Variants in ATP9B observed in about 807,000 individuals in gnomAD.
ATP9B encodes ATPase phospholipid transporting 9B.
Under a neutral mutation model 146.1 loss-of-function variants are expected in ATP9B, and 110 were observed. The observed-to-expected ratio is 0.75, with a 90% CI of 0.65 to 0.88. The LOEUF is 0.88. ATP9B is among the 40% of genes least tolerant of loss of function. The pLI is 0.00. For synonymous variants in ATP9B, 604 were observed against 569.7 expected (o/e 1.06, Z -0.86); for missense variants, 1,499 against 1,496.4 (o/e 1.00, Z -0.03).
intron 15 of ATP9B, among the ~76,000 whole-genome samples, chr18:79,312,531 T>C (rs2096658511): frequency 6.6e-6 from 1 of 152,166 alleles, no homozygotes; most frequent in South Asian, 2.1e-4. Context: ...TGGGCATCCC[T>C]CTCCGTGTTT....
intron 3 of ATP9B, among the ~76,000 whole-genome samples, chr18:79,111,444 T>G (rs572426045): frequency 6.7e-6 from 1 of 149,664 alleles, no homozygotes; most frequent in African/African-American, 2.4e-5. Context: ...TGATATCTAA[T>G]GCACTTCTTT....
chr18:79,377,325 T>C lies in ATP9B; in HGVS notation c.3386T>C (p.Val1129Ala). Residue 1129 changes from valine to alanine, a missense_variant, in exon 30 of 30, where the codon GTC becomes GCC. By Grantham distance (64) the Val-to-Ala change is moderately conservative. Coordinates refer to ENST00000426216, the MANE Select transcript of ATP9B (RefSeq NM_198531.5). ...ITVVSCLPLY[V>A]LKYLRRKLSP... ...GTGGTCAGCTGCCTCCCGCTGTATG[T>C]CCTCAAGTACCTGAGGCGCAAGCTC... 6.2e-7 allele frequency: 1 copy of C among 1,612,146 alleles called. No homozygotes were observed. The highest frequency in any genetic ancestry group is 1.1e-5 in the South Asian group (1 of 91,084).
intron 12 of ATP9B, among the ~76,000 whole-genome samples, chr18:79,267,904 G>C (rs1362303278): frequency 6.6e-6 from 1 of 152,012 alleles, no homozygotes; most frequent in Non-Finnish European, 1.5e-5. Context: ...TCTACCACAA[G>C]GGTTTTTCTC....
intron 6 of ATP9B, among the ~76,000 whole-genome samples, chr18:79,147,261 T>G (rs1400633526): frequency 6.6e-6 from 1 of 152,194 alleles, no homozygotes; most frequent in African/African-American, 2.4e-5. Context: ...AGTGGTTACT[T>G]CAGCACCACC....
intron 11 of ATP9B, among the ~76,000 whole-genome samples, chr18:79,248,135 T>C (rs1368441032): frequency 6.6e-6 from 1 of 152,254 alleles, no homozygotes; most frequent in Admixed American, 6.5e-5. Flanking sequence ...ACATCTATAG[T>C]GTGCGGTCAG....
At chr18:79,234,619 C>G (rs1275878448) in intron 11 of ATP9B, among the ~76,000 whole-genome samples, 1 of 147,882 alleles carries the variant, frequency 6.8e-6, no homozygotes, top group Non-Finnish European at 1.5e-5. Flanking sequence ...TGCTGTGGGC[C>G]TGCTTGCTGT....
intron 13 of ATP9B, among the ~76,000 whole-genome samples, chr18:79,288,532 G>A (rs1312734913): frequency 2.6e-5 from 4 of 151,976 alleles, no homozygotes; most frequent in African/African-American, 9.7e-5. Context: ...TGGGTTTCCT[G>A]AATACAGCAC....
chr18:79,351,992 T>C (rs1356203151), intron 25 of ATP9B, among the ~76,000 whole-genome samples: 1 of 151,972 alleles, frequency 6.6e-6, no homozygotes, highest in Non-Finnish European at 1.5e-5. Flanking sequence ...GGGGAACCTC[T>C]GTAGGGTGCA....
chr18:79,102,534 T>C (rs2075357399), intron 2 of ATP9B, among the ~76,000 whole-genome samples: 1 of 152,212 alleles, frequency 6.6e-6, no homozygotes, highest in Admixed American at 6.5e-5. Flanking sequence ...CACAGTGTGC[T>C]GTACTGTGGC....
chr18:79,309,498 G>T (rs954016291), intron 15 of ATP9B, among the ~76,000 whole-genome samples: 2 of 146,978 alleles, frequency 1.4e-5, no homozygotes, highest in Non-Finnish European at 3.0e-5. Context: ...TAGAAGGTCA[G>T]GGGTGGAGGA....
At chr18:79,327,882 T>C (rs62096814) in intron 15 of ATP9B, among the ~76,000 whole-genome samples, 4,166 of 30,788 alleles carry the variant, frequency 0.14, 1,585 homozygotes, top group East Asian at 0.44. Flanking sequence ...CCATGGATAG[T>C]GTGCTCTCCG....
chr18:79,096,725 GC>G, intron 2 of ATP9B, 76 bp downstream of exon 2: 6 of 1,154,800 alleles, frequency 5.2e-6, no homozygotes, highest in Non-Finnish European at 7.2e-6. Flanking sequence ...ATACTTATTA[GC>G]TATATTAATA....
intron 7 of ATP9B, among the ~76,000 whole-genome samples, chr18:79,156,158 A>G (rs1183484740): frequency 6.6e-6 from 1 of 152,144 alleles, no homozygotes; most frequent in Non-Finnish European, 1.5e-5. Context: ...CCAATAATCA[A>G]GTGACTTCTG....
intron 7 of ATP9B, among the ~76,000 whole-genome samples, chr18:79,167,287 T>TA (rs1208680307): frequency 6.6e-6 from 1 of 152,142 alleles, no homozygotes; most frequent in Admixed American, 6.5e-5. Flanking sequence ...GAACAAGGTA[T>TA]ATGGACAACT....
At chr18:79,361,865 C>T (rs1469099491) in intron 26 of ATP9B, 9 of 936,300 alleles carry the variant, frequency 9.6e-6, no homozygotes, top group Non-Finnish European at 1.1e-5. Flanking sequence ...GTCCCCAGTC[C>T]GTCGGCTCAA....
At chr18:79,256,257 C>CCATATATATATATATATATATATATATA (rs1262664506) in intron 12 of ATP9B, among the ~76,000 whole-genome samples, 60 of 100,358 alleles carry the variant, frequency 6.0e-4, no homozygotes, top group Admixed American at 1.6e-3. Flanking sequence ...TTCTAGCTAG[C>CCATATATATATATATATATATATATATA]TATATATATA....
Position 79,306,999 on chromosome 18 carries a change from C to A in ATP9B, c.1538C>A (p.Ala513Asp), listed in dbSNP as rs139181346. The stretch of plus-strand genomic sequence containing the variant: ...CATATTCTAAAGATGCAGTCTCAAG[C>A]TGGTGGAAACAATACTGGTTCAACT... ...RDSYSQMQSQAGGNNTGSTPL... is the reference protein window; with the variant it reads ...RDSYSQMQSQDGGNNTGSTPL... Residue 513 changes from alanine (A) to aspartate (D), a missense_variant, in exon 15 of 30, where the codon GCT (alanine) becomes GAT (aspartate). Physicochemically the swap from Ala to Asp is moderately radical, Grantham distance 126. Transcript: ENST00000426216. 3.7e-4 allele frequency: 595 copies of A among 1,614,092 alleles called. 3 individuals are homozygous for A. The African/African-American group carries it at 7.5e-3, about 20-fold the overall frequency.
rs188321743 is a variant in ATP9B at position 79,308,616 on chromosome 18, G to A, written c.1773+1382G>A. Reference sequence around the variant, plus strand: ...GCAGACAGACCCATGGAGACAGAGAGCAGAGCAGCAGGTACCAGGGTCTGA... The same window carrying A: ...GCAGACAGACCCATGGAGACAGAGAACAGAGCAGCAGGTACCAGGGTCTGA... On this transcript the variant is annotated intron_variant, in intron 15 of 29. Coordinates refer to ENST00000426216, the MANE Select transcript of ATP9B (RefSeq NM_198531.5). Among the ~76,000 whole-genome samples, 61 of 152,324 alleles carry A rather than the reference G, an allele frequency of 4.0e-4. No homozygotes were observed. In the East Asian group the frequency reaches 7.2e-3, roughly 18 times the overall value.
At chr18:79,318,081 T>A (rs1236309773) in intron 15 of ATP9B, among the ~76,000 whole-genome samples, 3 of 152,214 alleles carry the variant, frequency 2.0e-5, no homozygotes, top group African/African-American at 7.2e-5. Context: ...CAAACTGATA[T>A]GAATAAATAA....
Sources: allele counts gnomAD v4.1 joint callset (sites outside exome capture counted in the v4.1 genomes callset), GRCh38; gene constraint gnomAD v4.1.1; transcripts MANE v1.5; gene names NCBI Gene and HGNC (gene_info 2026-07-23, HGNC 2026-07-21).